TENM2: variants seen among roughly 807,000 people sequenced by gnomAD.
The protein encoded by TENM2 is teneurin-2.
In TENM2, 52 loss-of-function variants were observed where a neutral mutation model predicts 245.2. The observed-to-expected ratio is 0.21, with a 90% confidence interval of 0.17 to 0.27. The LOEUF (loss-of-function observed/expected upper bound fraction) is 0.27. TENM2 is among the 10% of genes least tolerant of loss of function. The probability of loss-of-function intolerance (pLI) is 1.00; values close to 1 mark genes in which losing one functional copy is unlikely to be tolerated. For missense variants in TENM2, 3,046 were observed against 3,666.8 expected (o/e 0.83, Z 4.37); for synonymous variants, 1,363 against 1,438.9 (o/e 0.95, Z 1.19).
At chr5:167,743,847 C>A (rs906964064) in intron 2 of TENM2, among the ~76,000 whole-genome samples, 9 of 152,316 alleles carry the variant, frequency 5.9e-5, no homozygotes, top group African/African-American at 1.9e-4. Flanking sequence ...TGACTACTGA[C>A]CTTACCCCTC....
At chr5:167,904,318 T>C (rs7710122) in intron 3 of TENM2, among the ~76,000 whole-genome samples, 74,833 of 151,956 alleles carry the variant, frequency 0.49, 19,133 homozygotes, top group African/African-American at 0.64. Context: ...ACCTGGACAA[T>C]GGTGAGCAAT....
At chr5:167,851,921 T>G (rs968082781) in intron 2 of TENM2, among the ~76,000 whole-genome samples, 1 of 152,228 alleles carries the variant, frequency 6.6e-6, no homozygotes, top group Non-Finnish European at 1.5e-5. Flanking sequence ...ATCCTATAAT[T>G]TTTTTAAAGG....
At chr5:167,324,407 G>T (rs767714480) in intron 1 of TENM2, among the ~76,000 whole-genome samples, 18 of 152,064 alleles carry the variant, frequency 1.2e-4, no homozygotes, top group Non-Finnish European at 2.6e-4. Flanking sequence ...TGCCAAGTAG[G>T]TCTCCTTTCA....
chr5:168,168,642 ATTACAC>A (rs1363885902), intron 13 of TENM2, among the ~76,000 whole-genome samples: 1 of 148,572 alleles, frequency 6.7e-6, no homozygotes, highest in Non-Finnish European at 1.5e-5. Flanking sequence ...TGATTGTGCT[ATTACAC>A]TCCAGCCTGG....
At chr5:168,093,996 CACACAT>C (rs1793158248) in intron 8 of TENM2, among the ~76,000 whole-genome samples, 1 of 150,960 alleles carries the variant, frequency 6.6e-6, no homozygotes, top group African/African-American at 2.5e-5. Context: ...CACACACAGA[CACACAT>C]ACACATAGAC....
chr5:167,288,496 T>C (rs1313422578), intron 1 of TENM2, among the ~76,000 whole-genome samples: 1 of 151,168 alleles, frequency 6.6e-6, no homozygotes, highest in Non-Finnish European at 1.5e-5. Context: ...GAGGCGGAGC[T>C]TGCAGTGAGC....
At chr5:167,046,463 C>T in the TENM2 span, among the ~76,000 whole-genome samples, 684 of 152,202 alleles carry the variant, frequency 4.5e-3, 7 homozygotes, top group African/African-American at 0.016. Flanking sequence ...AAAAATGGAA[C>T]GGGAACAGTC....
chr5:167,171,642 G>T, the TENM2 span, among the ~76,000 whole-genome samples: 4 of 152,284 alleles, frequency 2.6e-5, no homozygotes, highest in South Asian at 4.1e-4. Context: ...AGCTATGAAA[G>T]ATTAACTACT....
At chr5:167,317,515 ATCTG>A (rs966553345) in intron 1 of TENM2, among the ~76,000 whole-genome samples, 2 of 151,174 alleles carry the variant, frequency 1.3e-5, no homozygotes, top group African/African-American at 2.4e-5. Context: ...ATCCCTGAGC[ATCTG>A]TCTATTATTC....
intron 5 of TENM2, among the ~76,000 whole-genome samples, chr5:168,020,008 A>G (rs139177884): frequency 3.5e-4 from 54 of 152,330 alleles, no homozygotes; most frequent in African/African-American, 1.2e-3. Flanking sequence ...ATTTCTACCT[A>G]TATGGCAATT....
intron 2 of TENM2, among the ~76,000 whole-genome samples, chr5:167,774,214 GAGGA>G (rs200752272): frequency 0.04 from 4,501 of 111,384 alleles, 182 homozygotes; most frequent in Admixed American, 0.14. Context: ...GGGAGGGAGG[GAGGA>G]AGGAAGGAAG....
At chr5:167,996,541 T>C (rs1784061206) in intron 5 of TENM2, among the ~76,000 whole-genome samples, 1 of 152,162 alleles carries the variant, frequency 6.6e-6, no homozygotes, top group South Asian at 2.1e-4. Context: ...CTCAGGTACT[T>C]TCATTACCTG....
At chr5:167,179,788 C>A in the TENM2 span, among the ~76,000 whole-genome samples, 1 of 152,042 alleles carries the variant, frequency 6.6e-6, no homozygotes, top group Non-Finnish European at 1.5e-5. Context: ...GGTCCTTAGC[C>A]CCTGTCAAAC....
At position 167,321,782 on chromosome 5, in the gene TENM2, C is replaced by CTTTTTTTTTTTTTTTTT. The variant is rs1191717159; in HGVS notation, c.226+36721_226+36722insTTTTTTTTTTTTTTTTT. On this transcript the variant is annotated intron_variant, in intron 1 of 28. Transcript: ENST00000518659. The stretch of plus-strand genomic sequence containing the variant: ...TGAATCTGTTGTCTTGCTGCCTTGG[C>CTTTTTTTTTTTTTTTTT]TTATTTTTTTTTTTTTTTTGGGGGG... Among the ~76,000 whole-genome samples, 6 of 59,738 alleles carry CTTTTTTTTTTTTTTTTT rather than the reference C, an allele frequency of 1.0e-4. 3 individuals are homozygous for CTTTTTTTTTTTTTTTTT. Among genetic ancestry groups the CTTTTTTTTTTTTTTTTT allele is most frequent in the Non-Finnish European group, 6.2e-5 (2 of 32,430 alleles). 39.2% of individuals were successfully genotyped at this position (59,738 alleles called of 152,430 possible). A position where few individuals can be genotyped will look rare whatever the true frequency, so the allele number is the denominator to read the frequency against.
chr5:167,317,283 A>G (rs2127764532), intron 1 of TENM2, among the ~76,000 whole-genome samples: 1 of 152,198 alleles, frequency 6.6e-6, no homozygotes, highest in East Asian at 1.9e-4. Flanking sequence ...TTTTATATTT[A>G]ATTCTTATTC....
At chr5:168,195,992 G>T (rs1761396380) in intron 15 of TENM2, among the ~76,000 whole-genome samples, 2 of 151,930 alleles carry the variant, frequency 1.3e-5, no homozygotes, top group African/African-American at 4.8e-5. Context: ...TCTATGGGAG[G>T]GAGAAAACAC....
chr5:167,680,589 G>A (rs972275313), intron 2 of TENM2, among the ~76,000 whole-genome samples: 1 of 152,144 alleles, frequency 6.6e-6, no homozygotes, highest in Non-Finnish European at 1.5e-5. Flanking sequence ...TGGCCAAGGT[G>A]TGGAAAATAA....
chr5:167,105,704 C>G, the TENM2 span, among the ~76,000 whole-genome samples: 1 of 150,224 alleles, frequency 6.7e-6, no homozygotes, highest in Admixed American at 6.6e-5. Context: ...CCGGCTAAAA[C>G]GGTGAAACCC....
At chr5:167,415,038 G>C (rs1326123124) in intron 2 of TENM2, among the ~76,000 whole-genome samples, 5 of 151,588 alleles carry the variant, frequency 3.3e-5, no homozygotes, top group Non-Finnish European at 7.4e-5. Flanking sequence ...TTGCAAGTTG[G>C]TTCTCTTTCC....
Sources: gnomAD v4.1 joint callset for allele counts (sites outside exome capture counted in the v4.1 genomes callset) on GRCh38, gnomAD v4.1.1 for gene constraint, MANE v1.5 for transcripts, NCBI Gene and HGNC (gene_info 2026-07-23, HGNC 2026-07-21) for gene names.